The following NCKAP1L variants were observed in gnomAD, a reference collection of about 807,000 sequenced individuals.
NCKAP1L encodes NCK associated protein 1 like.
Under a neutral mutation model 139.2 loss-of-function variants are expected in NCKAP1L, and 53 were observed. The ratio of observed to expected loss-of-function variants is 0.38; its 90% confidence interval spans 0.31 to 0.48. The LOEUF (loss-of-function observed/expected upper bound fraction) is 0.48. NCKAP1L is among the 20% of genes least tolerant of loss of function. NCKAP1L has a pLI of 0.98. For missense variants in NCKAP1L, 1,151 were observed against 1,381.9 expected (o/e 0.83, Z 2.65); for synonymous variants, 468 against 499.7 (o/e 0.94, Z 0.85).
intron 16 of NCKAP1L, among the ~76,000 whole-genome samples, chr12:54,519,867 G>A (rs1464947481): frequency 1.3e-5 from 2 of 150,098 alleles, no homozygotes; most frequent in African/African-American, 4.9e-5. Context: ...CTTTGGAAAC[G>A]TCTTCAGATT....
At position 54,520,831 on chromosome 12, in the gene NCKAP1L, G is replaced by A. The variant is rs778607834; in HGVS notation, c.1758+5G>A. 6 of 1,613,932 alleles carry A rather than the reference G, an allele frequency of 3.7e-6. No individual in the cohort carries two copies. The highest frequency in any genetic ancestry group is 2.2e-5 in the East Asian group (1 of 44,880). ...CATGAGATGTGCCCAGAGGAGGTAG[G>A]TATCCTGATCTCCAGACCCTGTCAT... On this transcript the variant is annotated splice_donor_5th_base_variant and intron_variant, in intron 17 of 30. Coordinates refer to ENST00000293373, the MANE Select transcript of NCKAP1L (RefSeq NM_005337.5).
chr12:54,532,109 A>G, intron 25 of NCKAP1L, 61 bp from the exon 26 acceptor site: 1 of 1,178,742 alleles, frequency 8.5e-7, no homozygotes. Flanking sequence ...TTTTATTTCT[A>G]CCTATTTTTG....
chr12:54,540,310 C>A (rs992643399), intron 30 of NCKAP1L, among the ~76,000 whole-genome samples: 1 of 152,080 alleles, frequency 6.6e-6, no homozygotes, highest in Admixed American at 6.5e-5. Flanking sequence ...GTTTCTCCAA[C>A]TAGAAAAAGG....
chr12:54,523,667 C>A, intron 19 of NCKAP1L, 128 bp downstream of exon 19: 2 of 1,435,774 alleles, frequency 1.4e-6, no homozygotes, highest in East Asian at 2.3e-5. Flanking sequence ...TGGAAAAGCA[C>A]TTAAATGCGA....
Position 54,508,398 on chromosome 12 carries a change from T to A in NCKAP1L, c.373T>A (p.Phe125Ile), listed in dbSNP as rs1453729984. 6.2e-7 allele frequency: 1 copy of A among 1,614,164 alleles called. No homozygotes were observed. Residue 125 changes from phenylalanine (F) to isoleucine (I), a missense_variant, in exon 5 of 31, where the codon TTT becomes ATT. Transcript: ENST00000293373. ...TGTATTTTCCTTGTAGAATCTCAACTTTGATTTCACTCGGAGTTACCTGGA... is the reference window on the plus strand; with the variant it reads ...TGTATTTTCCTTGTAGAATCTCAACATTGATTTCACTCGGAGTTACCTGGA... ...CQCHFDINLN[F>I]DFTRSYLDLI...
intron 18 of NCKAP1L, among the ~76,000 whole-genome samples, chr12:54,522,489 C>T (rs1010191074): frequency 7.9e-5 from 12 of 152,354 alleles, no homozygotes; most frequent in Admixed American, 5.2e-4. Flanking sequence ...TAAATAATTA[C>T]TGGCATTGCC....
At chr12:54,497,956 C>T (rs902894014) in intron 1 of NCKAP1L, 65 bp downstream of exon 1, 31 of 1,029,552 alleles carry the variant, frequency 3.0e-5, no homozygotes, top group Middle Eastern at 2.0e-4. Flanking sequence ...AACCCTGAGG[C>T]GGCAGGTGCA....
intron 10 of NCKAP1L, 121 bp downstream of exon 10, chr12:54,516,416 C>T: frequency 1.2e-6 from 1 of 844,958 alleles, no homozygotes. Context: ...CAAGAACTTG[C>T]TGCTACCCCA....
chr12:54,528,404 C>T, intron 22 of NCKAP1L, 27 bp downstream of exon 22: 4 of 1,610,100 alleles, frequency 2.5e-6, no homozygotes, highest in Non-Finnish European at 2.5e-6. Flanking sequence ...GTCTTCTTGT[C>T]AAGGAGCTGA....
At chr12:54,500,798 A>G in intron 3 of NCKAP1L, 173 bp downstream of exon 3, 1 of 556,580 alleles carries the variant, frequency 1.8e-6, no homozygotes, top group Non-Finnish European at 3.2e-6. Flanking sequence ...AAAATAGTAT[A>G]TGATACATCA....
rs749244845 is a variant in NCKAP1L at position 54,528,261 on chromosome 12, T to C, written c.2390T>C (p.Leu797Pro). ...TLYTNWYLES[L>P]LRQASSGTII... ...CAACCCTGTAGGTACCTGGAAAGTC[T>C]GCTTAGACAGGCAAGCAGTGGGACC... The change falls in exon 22 of 31, where the codon CTG becomes CCG. Residue 797 changes from leucine (L) to proline (P), a missense_variant. Leu to Pro is a moderately conservative substitution (Grantham distance 98, BLOSUM62 -3). Coordinates refer to ENST00000293373, the MANE Select transcript of NCKAP1L (RefSeq NM_005337.5). 6.2e-7 allele frequency: 1 copy of C among 1,613,850 alleles called. No individual in the cohort carries two copies. The highest frequency in any genetic ancestry group is 8.5e-7 in the Non-Finnish European group (1 of 1,179,816).
chr12:54,519,589 A>G (rs1349747460), intron 16 of NCKAP1L, among the ~76,000 whole-genome samples: 2 of 151,450 alleles, frequency 1.3e-5, no homozygotes, highest in East Asian at 1.9e-4. Flanking sequence ...TCATCAATTC[A>G]TTTGCTCTCT....
intron 9 of NCKAP1L, among the ~76,000 whole-genome samples, chr12:54,513,967 G>GGTGT (rs1305641258): frequency 1.2e-5 from 1 of 82,366 alleles, no homozygotes; most frequent in Non-Finnish European, 2.4e-5. Flanking sequence ...GCATCCTTCA[G>GGTGT]ATGTGTGTGT....
chr12:54,518,843 C>T lies in NCKAP1L; in HGVS notation c.1421-71C>T. On this transcript the variant is annotated intron_variant, in intron 14 of 30. Coordinates refer to ENST00000293373, the MANE Select transcript of NCKAP1L (RefSeq NM_005337.5). Reference sequence around the variant, plus strand: ...AGGACAAGATGTTTTTGAAGAGGATCTACCATTCTATGTAGTTGGATATTG... The same window carrying T: ...AGGACAAGATGTTTTTGAAGAGGATTTACCATTCTATGTAGTTGGATATTG... 2.7e-6 allele frequency: 4 copies of T among 1,501,382 alleles called. No homozygotes were observed. The Admixed American group carries it at 6.7e-5, about 25-fold the overall frequency. 93.0% of individuals were successfully genotyped at this position (1,501,382 alleles called of 1,614,324 possible). A position where few individuals can be genotyped will look rare whatever the true frequency, so the allele number is the denominator to read the frequency against.
chr12:54,517,534 C>T lies in NCKAP1L; in HGVS notation c.1097C>T (p.Ala366Val). 4 of 1,611,242 alleles carry T rather than the reference C, an allele frequency of 2.5e-6. No homozygotes were observed. The highest frequency in any genetic ancestry group is 1.3e-5 in the African/African-American group (1 of 74,956). ...ADEPGLLGPK[A>V]LFAFMALSFI... ...TAATAGTCTCTACCCCCTCCATAGG[C>T]TCTTTTTGCTTTCATGGCCCTGTCC... The change falls in exon 12 of 31, where the codon GCT becomes GTT. Residue 366 changes from alanine (A) to valine (V), a missense_variant and splice_region_variant. Transcript: ENST00000293373.
At chr12:54,518,592 C>G (rs1956953192) in intron 13 of NCKAP1L, 59 bp from the exon 14 acceptor site, 1 of 1,287,776 alleles carries the variant, frequency 7.8e-7, no homozygotes. Context: ...CCTCATGGTC[C>G]TAGTTTCTGT....
At chr12:54,502,353 A>G (rs1055909101) in intron 3 of NCKAP1L, among the ~76,000 whole-genome samples, 1 of 152,204 alleles carries the variant, frequency 6.6e-6, no homozygotes, top group African/African-American at 2.4e-5. Flanking sequence ...TAAACTATAT[A>G]TCTTTGCATT....
chr12:54,543,952 G>C lies in NCKAP1L; in HGVS notation c.*1267G>C, dbSNP rs962521078. 3.9e-5 allele frequency: 6 copies of C among 152,132 alleles called. No homozygotes were observed. Among genetic ancestry groups the C allele is most frequent in the African/African-American group, 1.2e-4 (5 of 41,424 alleles). 9.4% of individuals were successfully genotyped at this position (152,132 alleles called of 1,614,324 possible). On this transcript the variant is annotated 3_prime_UTR_variant, in exon 31 of 31. Coordinates refer to ENST00000293373, the MANE Select transcript of NCKAP1L (RefSeq NM_005337.5). ...TCATGATGAAAGGGAAGCAGTTGTC[G>C]GTTTTCAGCAAAAACGATTCAGCCT...
intron 3 of NCKAP1L, among the ~76,000 whole-genome samples, chr12:54,504,597 G>A (rs934831677): frequency 6.6e-6 from 1 of 152,186 alleles, no homozygotes; most frequent in Non-Finnish European, 1.5e-5. Flanking sequence ...GGCTTGTTTA[G>A]GAAAGGAGGG....
Sources: allele counts gnomAD v4.1 joint callset (sites outside exome capture counted in the v4.1 genomes callset), GRCh38; gene constraint gnomAD v4.1.1; transcripts MANE v1.5; gene names NCBI Gene and HGNC (gene_info 2026-07-23, HGNC 2026-07-21).